Variants in PHF19 observed in about 807,000 individuals in gnomAD.
PHF19 encodes polycomb like 3.
Under a neutral mutation model 79.8 loss-of-function variants are expected in PHF19, and 21 were observed. The observed-to-expected ratio is 0.26, with a 90% CI of 0.19 to 0.38. PHF19 has a LOEUF of 0.38. Ranked by LOEUF, PHF19 falls within the 10% of genes least tolerant of loss-of-function variation. PHF19 has a pLI of 1.00. For synonymous variants in PHF19, 273 were observed against 296.3 expected, an observed-to-expected ratio of 0.92 and a Z score of 0.81; for missense variants, 445 against 744.2, an observed-to-expected ratio of 0.60 and a Z score of 4.68.
chr9:120,897,953 T>G (rs1416027079), upstream of PHF19, among the ~76,000 whole-genome samples: 1 of 131,914 alleles, frequency 7.6e-6, no homozygotes, highest in Non-Finnish European at 1.5e-5. Flanking sequence ...CACTCCAGCC[T>G]GGGCAACAGA....
the PHF19 span, chr9:120,902,289 G>T: frequency 1.3e-5 from 2 of 152,056 alleles, no homozygotes; most frequent in East Asian, 3.9e-4. Context: ...AACTGCTGGG[G>T]GTGGGGGACC....
intron 3 of PHF19, among the ~76,000 whole-genome samples, chr9:120,871,374 CTT>C (rs894698832): frequency 1.3e-5 from 2 of 152,186 alleles, no homozygotes; most frequent in Non-Finnish European, 2.9e-5. Flanking sequence ...GATCAAGACT[CTT>C]TTTAAAAAAC....
chr9:120,862,816 C>A lies in PHF19; in HGVS notation c.969-67G>T. 2 of 1,459,816 alleles carry A rather than the reference C, an allele frequency of 1.4e-6. No homozygotes were observed. Among genetic ancestry groups the A allele is most frequent in the South Asian group, 1.2e-5 (1 of 86,128 alleles). 90.4% of individuals were successfully genotyped at this position (1,459,816 alleles called of 1,614,324 possible). ...AGTCCATCCTCCTGGGGAGTGGGGT[C>A]AAGCATGACACAAGCCTCTCTGCCT... On this transcript the variant is annotated intron_variant, in intron 10 of 14. Transcript: ENST00000373896. The surrounding 1 kb of genome is among the most constrained non-coding windows in gnomAD (Gnocchi z 4.6).
In PHF19 at chr9:120,869,398, G is replaced by T; in HGVS notation, c.466-68C>A. 7.2e-7 allele frequency: 1 copy of T among 1,397,728 alleles called. No individual in the cohort carries two copies. The highest frequency in any genetic ancestry group is 9.8e-7 in the Non-Finnish European group (1 of 1,015,462). 86.6% of individuals were successfully genotyped at this position (1,397,728 alleles called of 1,614,324 possible). On this transcript the variant is annotated intron_variant, in intron 5 of 14. Coordinates refer to ENST00000373896, the MANE Select transcript of PHF19 (RefSeq NM_015651.3). The surrounding 1 kb of genome is among the most constrained non-coding windows in gnomAD (Gnocchi z 5.8). ...GGACCACGCGAGTCAGCACGCGGCTGTCTATTGAGGGAAGTGCTGCCAGGG... is the reference window on the plus strand; with the variant it reads ...GGACCACGCGAGTCAGCACGCGGCTTTCTATTGAGGGAAGTGCTGCCAGGG...
At chr9:120,861,464 T>A (rs2045522536) in intron 12 of PHF19, among the ~76,000 whole-genome samples, 1 of 152,212 alleles carries the variant, frequency 6.6e-6, no homozygotes, top group South Asian at 2.1e-4. Flanking sequence ...TGTCAGGAAG[T>A]GCAGTAAAAT....
In PHF19 at chr9:120,891,343, G is replaced by A. The variant is rs2046340275; in HGVS notation, c.42+3445C>T. 6.6e-6 allele frequency among the ~76,000 whole-genome samples: 1 copy of A among 150,662 alleles called. No individual in the cohort carries two copies. Among genetic ancestry groups the A allele is most frequent in the African/African-American group, 2.4e-5 (1 of 40,926 alleles). ...TTGGTCCAGCTACAGTCAATATCTA[G>A]AGAAGGTATTGGCCTAGAGAACCTT... On this transcript the variant is annotated intron_variant, in intron 1 of 14. Transcript: ENST00000616568. The surrounding 1 kb of genome is among the most constrained non-coding windows in gnomAD (Gnocchi z 4.3).
chr9:120,861,881 C>T (rs766311685), intron 12 of PHF19, 37 bp downstream of exon 12: 21 of 1,393,322 alleles, frequency 1.5e-5, no homozygotes, highest in East Asian at 4.6e-5. Context: ...GCTGACCCTG[C>T]GTATGAAAAT....
At chr9:120,878,804 A>G (rs958608520), upstream of PHF19, among the ~76,000 whole-genome samples, 4 of 152,200 alleles carry the variant, frequency 2.6e-5, no homozygotes, top group Admixed American at 6.5e-5. Flanking sequence ...AAATCTCCCA[A>G]TCCTGGAGAG....
upstream of PHF19, among the ~76,000 whole-genome samples, chr9:120,895,404 G>C (rs2046392790): frequency 6.7e-6 from 1 of 149,394 alleles, no homozygotes; most frequent in Admixed American, 6.7e-5. Context: ...GCGCAACATA[G>C]CAAGATCCCG....
At chr9:120,861,701 A>G (rs556777488) in intron 12 of PHF19, among the ~76,000 whole-genome samples, 1 of 152,026 alleles carries the variant, frequency 6.6e-6, no homozygotes, top group South Asian at 2.1e-4. Flanking sequence ...CAAGAATATT[A>G]CCTGCCTTTG....
chr9:120,890,665 AT>A (rs2046330470), intron 1 of PHF19, among the ~76,000 whole-genome samples: 1 of 152,182 alleles, frequency 6.6e-6, no homozygotes, highest in South Asian at 2.1e-4. Flanking sequence ...TTCAAAGGGC[AT>A]GGGGGAGGGA....
intron 1 of PHF19, among the ~76,000 whole-genome samples, chr9:120,883,183 T>C (rs2131585495): frequency 6.6e-6 from 1 of 152,102 alleles, no homozygotes; most frequent in African/African-American, 2.4e-5. Flanking sequence ...ATGAGAGAAG[T>C]CTGCCTGCCT....
chr9:120,884,415 ATG>A (rs2046234822), intron 1 of PHF19, among the ~76,000 whole-genome samples: 7 of 78,986 alleles, frequency 8.9e-5, no homozygotes, highest in Admixed American at 6.6e-4. Flanking sequence ...GAAAGAGGAA[ATG>A]TATGAGATGA....
chr9:120,864,278 A>G (rs2045629512), intron 9 of PHF19, among the ~76,000 whole-genome samples, 162 bp from the exon 10 acceptor site: 1 of 152,226 alleles, frequency 6.6e-6, no homozygotes, highest in Non-Finnish European at 1.5e-5. Context: ...CACCTCTCCA[A>G]GTTCATTCCC....
At chr9:120,888,951 G>A (rs997537148) in intron 1 of PHF19, among the ~76,000 whole-genome samples, 1 of 152,178 alleles carries the variant, frequency 6.6e-6, no homozygotes, top group African/African-American at 2.4e-5. Context: ...AAGATGCCAT[G>A]GAAGGATTTA....
chr9:120,894,842 G>A (rs1040045265), exon 1 of PHF19: 2 of 1,225,650 alleles, frequency 1.6e-6, no homozygotes, highest in East Asian at 3.2e-5. Context: ...TGCAGGGCAC[G>A]TAGGAGGCAT....
Position 120,869,885 on chromosome 9 carries a change from G to A in PHF19, c.425C>T (p.Pro142Leu). The A allele has an allele frequency of 6.2e-7, 1 of 1,607,762 alleles. No individual in the cohort carries two copies. The highest frequency in any genetic ancestry group is 8.5e-7 in the Non-Finnish European group (1 of 1,177,244). The change falls in exon 5 of 15, where the codon CCT becomes CTT. Residue 142 changes from proline (P) to leucine (L), a missense_variant. Around this residue, in one of 5 missense-constraint regions of PHF19, gnomAD observed 167 missense variants for 375.8 expected, o/e 0.44. Coordinates refer to ENST00000373896, the MANE Select transcript of PHF19 (RefSeq NM_015651.3). The surrounding 1 kb of genome is among the most constrained non-coding windows in gnomAD (Gnocchi z 5.8). ...AGSADQPLLTPWFCRRCIFAL... is the reference protein window; with the variant it reads ...AGSADQPLLTLWFCRRCIFAL... ...GAAGATGCAGCGTCGGCAGAACCAA[G>A]GTGTGAGCAGGGGCTGGTCAGCACT...
At chr9:120,872,893 A>C (rs1326294334) in intron 3 of PHF19, among the ~76,000 whole-genome samples, 1 of 152,030 alleles carries the variant, frequency 6.6e-6, no homozygotes, top group East Asian at 1.9e-4. Flanking sequence ...AAGTGCTGGG[A>C]TTACAGGTAT....
rs1443187249 is a variant in PHF19, at chr9:120,865,707, T to A, written c.900+3A>T. On this transcript the variant is annotated splice_donor_region_variant and intron_variant, in intron 9 of 14. Coordinates refer to ENST00000373896, the MANE Select transcript of PHF19 (RefSeq NM_015651.3). ...GCCACTGACATCCCACAACCCCACA[T>A]ACCTTGCCAAGCTGCAGGAGCTCCC... 2 of 1,614,142 alleles carry A rather than the reference T, an allele frequency of 1.2e-6. No homozygotes were observed. Among genetic ancestry groups the A allele is most frequent in the Non-Finnish European group, 1.7e-6 (2 of 1,180,002 alleles).
Sources: allele counts gnomAD v4.1 joint callset (sites outside exome capture counted in the v4.1 genomes callset), GRCh38; gene constraint gnomAD v4.1.1; regional missense constraint gnomAD v4.1.1; non-coding constraint Gnocchi (gnomAD v3.1); transcripts MANE v1.5; gene names NCBI Gene and HGNC (gene_info 2026-07-23, HGNC 2026-07-21).